Variants in PTP4A3 observed in about 807,000 individuals in gnomAD.
The protein encoded by PTP4A3 is protein tyrosine phosphatase type IVA 3.
In PTP4A3, 9 loss-of-function variants were observed where a neutral mutation model predicts 15.2. The ratio of observed to expected loss-of-function variants is 0.59; its 90% CI spans 0.36 to 1.03. The LOEUF (loss-of-function observed/expected upper bound fraction) is 1.03, where lower values mean the gene tolerates loss of function less well. PTP4A3 is among the 50% of genes least tolerant of loss of function. The pLI is 0.02. For synonymous variants in PTP4A3, 95 were observed against 102.0 expected (o/e 0.93, Z 0.41); for missense variants, 234 against 252.1 (o/e 0.93, Z 0.49).
At chr8:141,428,742 G>C (rs1833702386) in intron 5 of PTP4A3, among the ~76,000 whole-genome samples, 1 of 152,222 alleles carries the variant, frequency 6.6e-6, no homozygotes, top group Admixed American at 6.5e-5. Flanking sequence ...CACGCATGGG[G>C]GTCATACAGG....
At chr8:141,402,568 G>A (rs1020278281) in intron 1 of PTP4A3, among the ~76,000 whole-genome samples, 9 of 152,274 alleles carry the variant, frequency 5.9e-5, no homozygotes, top group Admixed American at 3.3e-4. Flanking sequence ...TGGCGGCCTC[G>A]CGCCTGTCCC....
At chr8:141,401,963 G>C (rs1200688646) in intron 1 of PTP4A3, among the ~76,000 whole-genome samples, 1 of 152,220 alleles carries the variant, frequency 6.6e-6, no homozygotes, top group African/African-American at 2.4e-5. Flanking sequence ...CAGCCCAGGG[G>C]GGCCCCGTGA....
chr8:141,426,131 G>T (rs1833567859), intron 3 of PTP4A3, among the ~76,000 whole-genome samples: 1 of 152,156 alleles, frequency 6.6e-6, no homozygotes, highest in Non-Finnish European at 1.5e-5. Context: ...GGGGTGAGAT[G>T]CCCCCGAGGG....
intron 4 of PTP4A3, 54 bp downstream of exon 4, chr8:141,427,123 G>A: frequency 6.4e-7 from 1 of 1,573,352 alleles, no homozygotes; most frequent in Non-Finnish European, 8.6e-7. Context: ...GGCATCTCGT[G>A]GTCTGACAGC....
At chr8:141,408,994 ATGTGTATAACC>A (rs1193647939) in intron 1 of PTP4A3, among the ~76,000 whole-genome samples, 1 of 152,194 alleles carries the variant, frequency 6.6e-6, no homozygotes, top group African/African-American at 2.4e-5. Flanking sequence ...CCACGCCCTG[ATGTGTATAACC>A]TGTTTTCTTT....
chr8:141,401,688 G>A (rs1027291413), intron 1 of PTP4A3, among the ~76,000 whole-genome samples: 1 of 152,200 alleles, frequency 6.6e-6, no homozygotes, highest in Non-Finnish European at 1.5e-5. Flanking sequence ...GAGGGGCCCC[G>A]GGCCTGTGAG....
Position 141,420,146 on chromosome 8 carries a change from G to A in PTP4A3, c.-853-1242G>A, listed in dbSNP as rs376700935. 8.9e-3 allele frequency among the ~76,000 whole-genome samples: 1,357 copies of A among 152,296 alleles called. 14 individuals are homozygous for A. Among genetic ancestry groups the A allele is most frequent in the African/African-American group, 0.031 (1,282 of 41,546 alleles). Reference sequence around the variant, plus strand: ...GCTGGGGCAGGGGCACAGGTGAGAGGGGGTGGGTTGGGGAATGGAGGGCTC... The same window carrying A: ...GCTGGGGCAGGGGCACAGGTGAGAGAGGGTGGGTTGGGGAATGGAGGGCTC... On this transcript the variant is annotated intron_variant, in intron 1 of 5. Coordinates refer to ENST00000521578, the MANE Select transcript of PTP4A3 (RefSeq NM_032611.3).
At chr8:141,427,664 C>T (rs971577338) in intron 4 of PTP4A3, 86 bp from the exon 5 acceptor site, 47 of 1,224,228 alleles carry the variant, frequency 3.8e-5, no homozygotes, top group East Asian at 1.0e-4. Context: ...CTTGGGCCCC[C>T]GTGCCCTGCA....
intron 4 of PTP4A3, 89 bp from the exon 5 acceptor site, chr8:141,427,661 C>T: frequency 8.6e-7 from 1 of 1,163,974 alleles, no homozygotes; most frequent in Non-Finnish European, 1.2e-6. Flanking sequence ...CCCCTTGGGC[C>T]CCCGTGCCCT....
chr8:141,425,761 C>G lies in PTP4A3; in HGVS notation c.198+621C>G, dbSNP rs1422939406. Among the ~76,000 whole-genome samples the G allele has an allele frequency of 6.6e-6, 1 of 152,226 alleles. No individual in the cohort carries two copies. Among genetic ancestry groups the G allele is most frequent in the African/African-American group, 2.4e-5 (1 of 41,454 alleles). ...TCAGTCTCCTCAGTGCGGAGCACCC[C>G]TCAGTCACTGCTTTTCATCCCAGGA... On this transcript the variant is annotated intron_variant, in intron 3 of 5. Coordinates refer to ENST00000521578, the MANE Select transcript of PTP4A3 (RefSeq NM_032611.3). This position sits in a 1 kb window ranked among gnomAD's most constrained non-coding sequence, Gnocchi z 4.2.
chr8:141,431,372 T>G lies in PTP4A3; in HGVS notation c.*328T>G. ...GGCTGGTCTCCTCTAGCCTGTTTGT[T>G]GTGGGGTGGGGGTATATTTTGTAAC... On this transcript the variant is annotated 3_prime_UTR_variant, in exon 6 of 6. Coordinates refer to ENST00000521578, the MANE Select transcript of PTP4A3 (RefSeq NM_032611.3). 2.7e-6 allele frequency: 1 copy of G among 373,216 alleles called. No homozygotes were observed. The highest frequency in any genetic ancestry group is 4.9e-6 in the Non-Finnish European group (1 of 206,046). The allele number at this position is 373,216 out of a possible 1,614,324, so 23.1% of individuals were successfully genotyped here.
chr8:141,411,245 T>G (rs1832861340), intron 1 of PTP4A3, among the ~76,000 whole-genome samples: 1 of 152,220 alleles, frequency 6.6e-6, no homozygotes, highest in Admixed American at 6.5e-5. Context: ...GCACAAGGCT[T>G]GGCATATGGT....
At chr8:141,426,045 G>C (rs555939000) in intron 3 of PTP4A3, among the ~76,000 whole-genome samples, 1 of 152,210 alleles carries the variant, frequency 6.6e-6, no homozygotes, top group Admixed American at 6.5e-5. Flanking sequence ...CCACAGCAGC[G>C]GGAGGGATTG....
At chr8:141,416,052 C>T (rs1030673988) in intron 1 of PTP4A3, among the ~76,000 whole-genome samples, 6 of 151,926 alleles carry the variant, frequency 3.9e-5, no homozygotes, top group African/African-American at 1.2e-4. Context: ...CTCCCAGGCC[C>T]GGCCAGAGGG....
At chr8:141,422,586 CT>C (rs1833387640) in intron 2 of PTP4A3, among the ~76,000 whole-genome samples, 4 of 151,986 alleles carry the variant, frequency 2.6e-5, no homozygotes, top group Middle Eastern at 3.4e-3. Flanking sequence ...CTGCAGGGGG[CT>C]GGCGTGTGAT....
intron 1 of PTP4A3, among the ~76,000 whole-genome samples, chr8:141,411,008 C>T (rs75324663): frequency 0.017 from 2,611 of 152,238 alleles, 86 homozygotes; most frequent in African/African-American, 0.059. Context: ...GTAGATGGAG[C>T]CTGAGTCAGT....
chr8:141,397,291 G>A (rs909411751), intron 1 of PTP4A3, among the ~76,000 whole-genome samples: 15 of 152,310 alleles, frequency 9.8e-5, no homozygotes, highest in African/African-American at 3.6e-4. Flanking sequence ...CTGATGCTCT[G>A]TCACTTCATG....
rs565382213 is a variant in PTP4A3 at position 141,406,565 on chromosome 8, C to T, written c.-854+14481C>T. ...CTTCTTCCACTCTGCTCTGTTGGAC[C>T]AATTAGGCCAACTCTGGGGATATGT... is the stretch of plus-strand genomic sequence containing the variant. On this transcript the variant is annotated intron_variant, in intron 1 of 5. Transcript: ENST00000521578. This position sits in a 1 kb window ranked among gnomAD's most constrained non-coding sequence, Gnocchi z 4.5. Among the ~76,000 whole-genome samples the T allele has an allele frequency of 9.9e-5, 15 of 152,282 alleles. No individual in the cohort carries two copies. Among genetic ancestry groups the T allele is most frequent in the Non-Finnish European group, 2.1e-4 (14 of 68,010 alleles).
chr8:141,404,313 G>C (rs1832672346), intron 1 of PTP4A3, among the ~76,000 whole-genome samples: 1 of 152,272 alleles, frequency 6.6e-6, no homozygotes, highest in Non-Finnish European at 1.5e-5. Context: ...CCTCTTCGGG[G>C]CCTCTGCGCC....
Sources: gnomAD v4.1 joint callset for allele counts (sites outside exome capture counted in the v4.1 genomes callset) on GRCh38, gnomAD v4.1.1 for gene constraint, Gnocchi (gnomAD v3.1) non-coding constraint, MANE v1.5 for transcripts, NCBI Gene and HGNC (gene_info 2026-07-23, HGNC 2026-07-21) for gene names.